Variants in FRMD4A observed in about 807,000 individuals in gnomAD.
The protein encoded by FRMD4A is FERM domain containing 4A.
A neutral mutation model predicts 129.1 loss-of-function variants in FRMD4A; 29 were observed. The ratio of observed to expected loss-of-function variants is 0.22; its 90% CI spans 0.17 to 0.31. The LOEUF (loss-of-function observed/expected upper bound fraction) is 0.31. Among genes scored for constraint, FRMD4A ranks in the 10% least tolerant of loss-of-function variants. The pLI, the probability that FRMD4A is intolerant of heterozygous loss-of-function variation, is 1.00. For synonymous variants in FRMD4A, 634 were observed against 571.6 expected (o/e 1.11, Z -1.56); for missense variants, 1,272 against 1,375.8 (o/e 0.92, Z 1.19).
At chr10:13,916,355 C>A (rs956472320) in intron 2 of FRMD4A, among the ~76,000 whole-genome samples, 8 of 152,320 alleles carry the variant, frequency 5.3e-5, no homozygotes, top group Non-Finnish European at 1.0e-4. Context: ...TTTTCCTTTG[C>A]TTCTACATCT....
At chr10:13,666,611 T>A (rs1382699605) in intron 17 of FRMD4A, among the ~76,000 whole-genome samples, 1 of 152,198 alleles carries the variant, frequency 6.6e-6, no homozygotes, top group Non-Finnish European at 1.5e-5. Flanking sequence ...GTTTCGACTG[T>A]CTCCAGCAAG....
chr10:13,857,123 C>T lies in FRMD4A; in HGVS notation c.111+1724G>A, dbSNP rs181339030. Among the ~76,000 whole-genome samples, 8 of 152,108 alleles carry T rather than the reference C, an allele frequency of 5.3e-5. No homozygotes were observed. In the East Asian group the frequency reaches 1.2e-3, roughly 22 times the overall value. ...GCCATAGAGTCTAGCCTAAAACAGC[C>T]GTAATCTAAAATGCAGGAGAACCCT... is the stretch of plus-strand genomic sequence containing the variant. On this transcript the variant is annotated intron_variant, in intron 3 of 24. Coordinates refer to ENST00000357447, the MANE Select transcript of FRMD4A (RefSeq NM_018027.5).
intron 2 of FRMD4A, among the ~76,000 whole-genome samples, chr10:13,998,452 C>A (rs2095630654): frequency 6.6e-6 from 1 of 152,184 alleles, no homozygotes; most frequent in Admixed American, 6.5e-5. Context: ...CCAATACAGA[C>A]CTCTCACCCA....
At chr10:13,699,589 G>T (rs759258514) in intron 14 of FRMD4A, among the ~76,000 whole-genome samples, 7 of 152,180 alleles carry the variant, frequency 4.6e-5, no homozygotes, top group Non-Finnish European at 1.0e-4. Flanking sequence ...GCTATCCTCA[G>T]GGCGAGATAC....
intron 15 of FRMD4A, chr10:13,693,693 T>G: frequency 1.4e-6 from 1 of 724,010 alleles, no homozygotes; most frequent in Non-Finnish European, 2.4e-6. Flanking sequence ...TGCTTTTTTT[T>G]TTTTTTTTCC....
intron 2 of FRMD4A, among the ~76,000 whole-genome samples, chr10:14,051,614 G>C (rs887945242): frequency 6.6e-6 from 1 of 152,214 alleles, no homozygotes; most frequent in African/African-American, 2.4e-5. Flanking sequence ...GTTGACACTG[G>C]CAGATTCAGC....
intron 2 of FRMD4A, among the ~76,000 whole-genome samples, chr10:13,973,628 A>G (rs2095529482): frequency 6.6e-6 from 1 of 152,122 alleles, no homozygotes; most frequent in South Asian, 2.1e-4. Context: ...GGTGGGTACT[A>G]CAGAATCTTG....
At chr10:14,330,363 C>T (rs1381724353) in intron 1 of FRMD4A, among the ~76,000 whole-genome samples, 180 bp from the exon 2 acceptor site, 1 of 152,000 alleles carries the variant, frequency 6.6e-6, no homozygotes, top group African/African-American at 2.4e-5. Flanking sequence ...AAAAGTGAGC[C>T]CTCCCTAGCT....
chr10:14,251,452 G>T (rs1844437590), intron 2 of FRMD4A, among the ~76,000 whole-genome samples: 1 of 152,140 alleles, frequency 6.6e-6, no homozygotes, highest in Non-Finnish European at 1.5e-5. Flanking sequence ...AGATGAAACT[G>T]CAGCCCCAGT....
intron 2 of FRMD4A, among the ~76,000 whole-genome samples, chr10:13,987,368 G>T (rs1213439186): frequency 1.3e-5 from 2 of 151,980 alleles, no homozygotes; most frequent in Non-Finnish European, 2.9e-5. Context: ...AAGTTAAATC[G>T]TGAAAAGAAA....
At chr10:13,707,429 CTT>C in intron 12 of FRMD4A, 4 of 1,062,728 alleles carry the variant, frequency 3.8e-6, no homozygotes, top group South Asian at 7.5e-5. Context: ...GCTTGGCAGA[CTT>C]TTCCCTTCCA....
intron 2 of FRMD4A, among the ~76,000 whole-genome samples, chr10:13,959,396 C>A (rs192551112): frequency 1.4e-5 from 2 of 146,076 alleles, no homozygotes; most frequent in African/African-American, 2.6e-5. Flanking sequence ...TGTTTGAACC[C>A]GGGAGGCAGA....
intron 11 of FRMD4A, among the ~76,000 whole-genome samples, chr10:13,738,537 G>T (rs1026016232): frequency 6.6e-6 from 1 of 152,196 alleles, no homozygotes; most frequent in African/African-American, 2.4e-5. Flanking sequence ...TGCCAGGCAG[G>T]GTTTTAGGAC....
chr10:14,323,178 G>A (rs368920395), intron 2 of FRMD4A, among the ~76,000 whole-genome samples: 1 of 152,152 alleles, frequency 6.6e-6, no homozygotes, highest in East Asian at 1.9e-4. Flanking sequence ...AGACAGAACT[G>A]GGCAACTTGT....
At chr10:13,691,027 G>A (rs117743289) in intron 15 of FRMD4A, among the ~76,000 whole-genome samples, 76 of 152,202 alleles carry the variant, frequency 5.0e-4, no homozygotes, top group Non-Finnish European at 9.7e-4. Context: ...TCACTCTGCC[G>A]CTCAGGCTGG....
intron 13 of FRMD4A, among the ~76,000 whole-genome samples, chr10:13,705,833 T>C (rs1026270194): frequency 1.1e-4 from 16 of 152,192 alleles, no homozygotes; most frequent in African/African-American, 3.9e-4. Context: ...TCTCAGCTGC[T>C]CTCCACTAAC....
chr10:14,240,323 T>G (rs1843996949), intron 2 of FRMD4A, among the ~76,000 whole-genome samples: 1 of 152,176 alleles, frequency 6.6e-6, no homozygotes, highest in Non-Finnish European at 1.5e-5. Flanking sequence ...CCTCCAGTGC[T>G]TTCTTTTCCC....
In FRMD4A at chr10:13,981,199, G is replaced by A. The variant is rs1055085174; in HGVS notation, c.46-122287C>T. Among the ~76,000 whole-genome samples the A allele has an allele frequency of 9.2e-5, 14 of 152,298 alleles. No individual in the cohort carries two copies. In the East Asian group the frequency reaches 2.1e-3, roughly 23 times the overall value. ...TAGATATGGGTTATGATTTGGTAAC[G>A]AAGCTTGGAAAACCAAGAACTATCA... On this transcript the variant is annotated intron_variant, in intron 2 of 24. Coordinates refer to ENST00000357447, the MANE Select transcript of FRMD4A (RefSeq NM_018027.5).
rs375029915 is a variant in FRMD4A at position 13,978,696 on chromosome 10, C to A, written c.46-119784G>T. 5.9e-5 allele frequency among the ~76,000 whole-genome samples: 9 copies of A among 152,260 alleles called. No homozygotes were observed. In the East Asian group the frequency reaches 1.7e-3, roughly 29 times the overall value. On this transcript the variant is annotated intron_variant, in intron 2 of 24. Coordinates refer to ENST00000357447, the MANE Select transcript of FRMD4A (RefSeq NM_018027.5). ...AAGAGTCATCATGGCATCATCGTTT[C>A]TCAACCTGAGAACCCAAAAAACTCA...
Sources: allele counts gnomAD v4.1 joint callset (sites outside exome capture counted in the v4.1 genomes callset), GRCh38; gene constraint gnomAD v4.1.1; transcripts MANE v1.5; gene names NCBI Gene and HGNC (gene_info 2026-07-23, HGNC 2026-07-21).